HACE1: variants seen among roughly 807,000 people sequenced by gnomAD.
HACE1 encodes the protein HECT domain and ankyrin repeat containing E3 ubiquitin protein ligase 1.
A neutral mutation model predicts 118.4 loss-of-function variants in HACE1; 73 were observed. The observed-to-expected ratio is 0.62, with a 90% CI of 0.51 to 0.75. The LOEUF (loss-of-function observed/expected upper bound fraction) is 0.75. Among genes scored for constraint, HACE1 ranks in the 30% least tolerant of loss-of-function variants. The probability of loss-of-function intolerance (pLI) is 0.00; values close to 1 mark genes in which losing one functional copy is unlikely to be tolerated. For missense variants in HACE1, 749 were observed against 1,102.2 expected (o/e 0.68, Z 4.54); for synonymous variants, 368 against 374.8 (o/e 0.98, Z 0.21).
In HACE1 at chr6:104,728,624, A is replaced by G. The variant is rs1470214847; in HGVS notation, c.*1038T>C. On this transcript the variant is annotated 3_prime_UTR_variant, in exon 24 of 24. Transcript: ENST00000262903. ...TAGTTTCCAAGGGAAGATCCTAAAC[A>G]TAACAAATCCTTCCGTTAGCATTTC... The G allele has an allele frequency of 6.6e-6, 1 of 152,192 alleles. No homozygotes were observed. Among genetic ancestry groups the G allele is most frequent in the African/African-American group, 2.4e-5 (1 of 41,458 alleles). The allele number at this position is 152,192 out of a possible 1,614,324, so 9.4% of individuals were successfully genotyped here. A position where few individuals can be genotyped will look rare whatever the true frequency, so the allele number is the denominator to read the frequency against.
chr6:104,840,467 C>CA, intron 5 of HACE1, among the ~76,000 whole-genome samples: 1 of 151,994 alleles, frequency 6.6e-6, no homozygotes, highest in South Asian at 2.1e-4. Context: ...TACCTAAAAC[C>CA]AAAAAACCAG....
At chr6:104,773,876 G>A (rs867697483) in intron 17 of HACE1, among the ~76,000 whole-genome samples, 1 of 151,340 alleles carries the variant, frequency 6.6e-6, no homozygotes. Flanking sequence ...TAAATTTTAA[G>A]TTCAAAAAAT....
At position 104,729,054 on chromosome 6, in the gene HACE1, C is replaced by T. The variant is rs1774931788; in HGVS notation, c.*608G>A. On this transcript the variant is annotated 3_prime_UTR_variant, in exon 24 of 24. Transcript: ENST00000262903. Reference sequence around the variant, plus strand: ...AATAATTCATACAATATAGCGTAAGCTTTCATATATAAATTATATGTCATT... The same window carrying T: ...AATAATTCATACAATATAGCGTAAGTTTTCATATATAAATTATATGTCATT... The T allele has an allele frequency of 6.6e-6, 1 of 152,436 alleles. No homozygotes were observed. Among genetic ancestry groups the T allele is most frequent in the Non-Finnish European group, 1.5e-5 (1 of 68,010 alleles). The allele number at this position is 152,436 out of a possible 1,614,324, so 9.4% of individuals were successfully genotyped here. A position where few individuals can be genotyped will look rare whatever the true frequency, so the allele number is the denominator to read the frequency against.
At chr6:104,846,406 G>A (rs1418496926) in intron 4 of HACE1, among the ~76,000 whole-genome samples, 6 of 152,066 alleles carry the variant, frequency 3.9e-5, no homozygotes, top group Non-Finnish European at 1.5e-5. Context: ...ATATAAGCAT[G>A]AGCAATGCTG....
At chr6:104,811,247 CATATATATATATATATAT>C in intron 7 of HACE1, 46 bp downstream of exon 7, 1 of 203,502 alleles carries the variant, frequency 4.9e-6, no homozygotes, top group Non-Finnish European at 9.0e-6. Flanking sequence ...TTTATTTATA[CATATATATATATATATAT>C]ATATATATGA....
chr6:104,751,723 G>C, intron 19 of HACE1, among the ~76,000 whole-genome samples: 1 of 152,006 alleles, frequency 6.6e-6, no homozygotes, highest in Non-Finnish European at 1.5e-5. Context: ...AAGAGTATGT[G>C]CCTGTATACA....
At chr6:104,750,497 T>C (rs768992721) in intron 19 of HACE1, 25 bp from the exon 20 acceptor site, 1 of 1,609,082 alleles carries the variant, frequency 6.2e-7, no homozygotes, top group South Asian at 1.1e-5. Flanking sequence ...GTTTTCATGA[T>C]GACTTTTCAA....
rs1448745081 is a variant in HACE1, at chr6:104,804,861, A to C, written c.617+6450T>G. Reference sequence around the variant, plus strand: ...ACAAAAGCCAAAACAGACAAATGGGATCTAATTAAACTAAAGAGCTTCTGC... The same window carrying C: ...ACAAAAGCCAAAACAGACAAATGGGCTCTAATTAAACTAAAGAGCTTCTGC... On this transcript the variant is annotated intron_variant, in intron 7 of 23. Coordinates refer to ENST00000262903, the MANE Select transcript of HACE1 (RefSeq NM_020771.4). Among the ~76,000 whole-genome samples the C allele has an allele frequency of 2.0e-5, 3 of 152,222 alleles. No individual in the cohort carries two copies. In the East Asian group the frequency reaches 5.8e-4, roughly 29 times the overall value.
intron 1 of HACE1, among the ~76,000 whole-genome samples, chr6:104,854,794 G>A (rs940975501): frequency 3.3e-5 from 5 of 152,064 alleles, no homozygotes; most frequent in African/African-American, 1.2e-4. Flanking sequence ...GCTATTTATA[G>A]GGGAAATGGA....
At chr6:104,771,450 G>C in intron 18 of HACE1, 61 bp from the exon 19 acceptor site, 1 of 986,420 alleles carries the variant, frequency 1.0e-6, no homozygotes, top group Non-Finnish European at 1.6e-6. Flanking sequence ...TCTATTTAAT[G>C]GTAAAATACT....
intron 6 of HACE1, among the ~76,000 whole-genome samples, chr6:104,817,307 G>A (rs1020411227): frequency 1.3e-5 from 2 of 152,064 alleles, no homozygotes; most frequent in African/African-American, 2.4e-5. Context: ...TGGATCATAG[G>A]GGCAAATTTC....
chr6:104,831,282 A>G (rs1562468079), intron 6 of HACE1: 1 of 152,210 alleles, frequency 6.6e-6, no homozygotes, highest in Admixed American at 6.5e-5. Context: ...GATTTTAGAA[A>G]CCTAGAGTAA....
chr6:104,792,832 A>C (rs1356158341), intron 10 of HACE1, among the ~76,000 whole-genome samples: 2 of 152,184 alleles, frequency 1.3e-5, no homozygotes, highest in Non-Finnish European at 2.9e-5. Flanking sequence ...AGCTGTGATC[A>C]ATCAAGCAGC....
chr6:104,794,630 G>A (rs1023669030), intron 10 of HACE1, among the ~76,000 whole-genome samples: 2 of 152,236 alleles, frequency 1.3e-5, no homozygotes, highest in African/African-American at 2.4e-5. Context: ...TTGGCCAGGC[G>A]CATTGGCGCA....
At chr6:104,785,677 G>GT (rs1782309187) in intron 11 of HACE1, 2 of 198,118 alleles carry the variant, frequency 1.0e-5, no homozygotes, top group South Asian at 1.7e-4. Context: ...AACATTTACT[G>GT]TATTAATATG....
chr6:104,802,427 C>T (rs879634257), intron 7 of HACE1, among the ~76,000 whole-genome samples: 20 of 152,168 alleles, frequency 1.3e-4, no homozygotes, highest in Admixed American at 2.6e-4. Flanking sequence ...CTTCTCAGCA[C>T]GACATCACAC....
At chr6:104,848,448 C>G (rs1327939357) in intron 4 of HACE1, among the ~76,000 whole-genome samples, 1 of 148,594 alleles carries the variant, frequency 6.7e-6, no homozygotes, top group Non-Finnish European at 1.5e-5. Flanking sequence ...GAGTGAGACC[C>G]CATCTCAAAA....
At chr6:104,830,327 CTAAG>C in intron 6 of HACE1, among the ~76,000 whole-genome samples, 1 of 152,146 alleles carries the variant, frequency 6.6e-6, no homozygotes, top group African/African-American at 2.4e-5. Context: ...AATATTGACT[CTAAG>C]TAAAAACTAA....
chr6:104,835,152 T>C (rs74838622), intron 5 of HACE1, among the ~76,000 whole-genome samples: 2,488 of 152,268 alleles, frequency 0.016, 82 homozygotes, highest in African/African-American at 0.057. Context: ...AAATCGACAC[T>C]GGAAAGGTCT....
Sources: allele counts gnomAD v4.1 joint callset (sites outside exome capture counted in the v4.1 genomes callset), GRCh38; gene constraint gnomAD v4.1.1; transcripts MANE v1.5; gene names NCBI Gene and HGNC (gene_info 2026-07-23, HGNC 2026-07-21).